The following ARHGAP18 variants were observed in gnomAD, a reference collection of about 807,000 sequenced individuals.
ARHGAP18 encodes the protein Rho GTPase activating protein 18, also known as rho GTPase-activating protein 18.
In ARHGAP18, 67 loss-of-function variants were observed where a neutral mutation model predicts 86.2. The ratio of observed to expected loss-of-function variants is 0.78; its 90% CI spans 0.64 to 0.95. The LOEUF (loss-of-function observed/expected upper bound fraction) is 0.95. ARHGAP18 is among the 40% of genes least tolerant of loss of function. ARHGAP18 has a pLI of 0.00. For missense variants in ARHGAP18, 691 were observed against 780.4 expected (o/e 0.89, Z 1.37); for synonymous variants, 283 against 280.4 (o/e 1.01, Z -0.09).
chr6:129,603,574 T>C lies in ARHGAP18; in HGVS notation c.1365+2303A>G, dbSNP rs112808550. 7.5e-3 allele frequency among the ~76,000 whole-genome samples: 1,142 copies of C among 152,306 alleles called. 13 individuals carry two copies. The highest frequency in any genetic ancestry group is 0.026 in the African/African-American group (1,094 of 41,578). On this transcript the variant is annotated intron_variant, in intron 10 of 14. Coordinates refer to ENST00000368149, the MANE Select transcript of ARHGAP18 (RefSeq NM_033515.3). The stretch of plus-strand genomic sequence containing the variant: ...TTACATACCTCTGCTCTTTAAAGTT[T>C]TCTGATTTGTAAAATGGGAGTACTT...
intron 1 of ARHGAP18, among the ~76,000 whole-genome samples, chr6:129,695,735 G>C (rs1330391012): frequency 6.6e-6 from 1 of 152,094 alleles, no homozygotes; most frequent in African/African-American, 2.4e-5. Flanking sequence ...TATGCATTAA[G>C]TCCCCACAAA....
chr6:129,614,076 T>A (rs375850776), intron 7 of ARHGAP18, among the ~76,000 whole-genome samples: 2 of 152,200 alleles, frequency 1.3e-5, no homozygotes, highest in Non-Finnish European at 2.9e-5. Context: ...ATTTCCCTCA[T>A]CCTTCTGAGA....
intron 5 of ARHGAP18, among the ~76,000 whole-genome samples, chr6:129,624,849 G>T (rs1789307564): frequency 6.7e-6 from 1 of 149,924 alleles, no homozygotes; most frequent in South Asian, 2.1e-4. Flanking sequence ...GGAGGCTGAG[G>T]CAGGAGAATT....
chr6:129,618,960 T>C, intron 5 of ARHGAP18, 108 bp from the exon 6 acceptor site: 1 of 990,198 alleles, frequency 1.0e-6, no homozygotes, highest in Non-Finnish European at 1.5e-6. Context: ...GAATAAGTGA[T>C]AAGAAAAGCC....
At chr6:129,641,728 ATT>A in intron 2 of ARHGAP18, 86 bp downstream of exon 2, 1 of 1,155,142 alleles carries the variant, frequency 8.7e-7, no homozygotes, top group Non-Finnish European at 1.2e-6. Flanking sequence ...CCTAGCTTTA[ATT>A]TTTTTTTTGT....
chr6:129,644,253 C>T (rs1223580723), intron 1 of ARHGAP18, among the ~76,000 whole-genome samples: 3 of 152,182 alleles, frequency 2.0e-5, no homozygotes, highest in African/African-American at 4.8e-5. Flanking sequence ...GTTTACATCT[C>T]TGTATTCCAC....
intron 1 of ARHGAP18, among the ~76,000 whole-genome samples, chr6:129,675,425 C>G (rs1278191383): frequency 6.6e-6 from 1 of 150,998 alleles, no homozygotes; most frequent in Admixed American, 6.6e-5. Flanking sequence ...AATAGGTGGA[C>G]GTTAGTTCAA....
In ARHGAP18 at chr6:129,590,047, T is replaced by C. The variant is rs142293413; in HGVS notation, c.1714-5935A>G. On this transcript the variant is annotated intron_variant, in intron 12 of 14. Transcript: ENST00000368149. ...ACTCAGCAAGTCTGTTCTTTCCACT[T>C]TCTTCTGCCTGCTTTTATTCTAGCC... is the stretch of plus-strand genomic sequence containing the variant. Among the ~76,000 whole-genome samples the C allele has an allele frequency of 2.1e-3, 319 of 152,328 alleles. 1 individual carries two copies. Among genetic ancestry groups the C allele is most frequent in the African/African-American group, 7.6e-3 (314 of 41,582 alleles).
rs553529751 is a variant in ARHGAP18 at position 129,709,566 on chromosome 6, A to G, written c.113+458T>C. Among the ~76,000 whole-genome samples, 5 of 152,010 alleles carry G rather than the reference A, an allele frequency of 3.3e-5. No homozygotes were observed. The South Asian group carries it at 1.0e-3, about 32-fold the overall frequency. The stretch of plus-strand genomic sequence containing the variant: ...TAAGAGGTTTGCTTTCAGCAAAGAG[A>G]GGGGGGAAAAAAAACACTCTAACAA... On this transcript the variant is annotated intron_variant, in intron 1 of 14. Transcript: ENST00000368149.
chr6:129,590,024 T>A (rs35075532), intron 12 of ARHGAP18, among the ~76,000 whole-genome samples: 2,897 of 152,292 alleles, frequency 0.019, 43 homozygotes, highest in Non-Finnish European at 0.032. Flanking sequence ...GCCAGAGGAC[T>A]CAGCAAGTCT....
Position 129,625,291 on chromosome 6 carries a change from TGA to T in ARHGAP18, c.786+4060_786+4061del, listed in dbSNP as rs1562696849. ...GATATATATTTATATGTAATATATA[TGA>T]TATATGATATATATTTATATGTAAT... On this transcript the variant is annotated intron_variant, in intron 5 of 14. Coordinates refer to ENST00000368149, the MANE Select transcript of ARHGAP18 (RefSeq NM_033515.3). 9.0e-4 allele frequency among the ~76,000 whole-genome samples: 73 copies of T among 80,794 alleles called. 3 individuals carry two copies. The highest frequency in any genetic ancestry group is 3.1e-3 in the East Asian group (8 of 2,614). 53.0% of individuals were successfully genotyped at this position (80,794 alleles called of 152,430 possible).
At chr6:129,614,455 A>G (rs891464727) in intron 7 of ARHGAP18, among the ~76,000 whole-genome samples, 2 of 152,202 alleles carry the variant, frequency 1.3e-5, no homozygotes, top group African/African-American at 2.4e-5. Context: ...CCATTATCCA[A>G]TCCTTCAAAT....
chr6:129,674,600 C>A (rs1352338969), intron 1 of ARHGAP18, among the ~76,000 whole-genome samples: 1 of 152,136 alleles, frequency 6.6e-6, no homozygotes, highest in Non-Finnish European at 1.5e-5. Context: ...TGAATCTATG[C>A]AAGTAAAGTG....
At chr6:129,681,937 G>A (rs1188874738) in intron 1 of ARHGAP18, among the ~76,000 whole-genome samples, 1 of 152,140 alleles carries the variant, frequency 6.6e-6, no homozygotes, top group Admixed American at 6.5e-5. Flanking sequence ...CCTCTCTGCT[G>A]TATCTCATCA....
chr6:129,636,549 T>G (rs1314372477), intron 3 of ARHGAP18, among the ~76,000 whole-genome samples: 1 of 152,086 alleles, frequency 6.6e-6, no homozygotes, highest in African/African-American at 2.4e-5. Context: ...GTCAAACAAA[T>G]TTGGGTTTAC....
At position 129,616,333 on chromosome 6, in the gene ARHGAP18, T is replaced by C. The variant is rs760668019; in HGVS notation, c.953-30A>G. 4 of 1,542,214 alleles carry C rather than the reference T, an allele frequency of 2.6e-6. No homozygotes were observed. The South Asian group carries it at 4.6e-5, about 18-fold the overall frequency. ...AAGAAAAAAAATGAAATTTCCTCAC[T>C]TTTGTCAATCTATAAAATATTAATA... On this transcript the variant is annotated intron_variant, in intron 6 of 14. Transcript: ENST00000368149.
chr6:129,633,702 C>T (rs973174382), intron 4 of ARHGAP18, among the ~76,000 whole-genome samples: 2 of 152,150 alleles, frequency 1.3e-5, no homozygotes, highest in African/African-American at 2.4e-5. Context: ...AGCTCTAAGC[C>T]TCAGTTCACT....
intron 12 of ARHGAP18, among the ~76,000 whole-genome samples, chr6:129,589,669 T>C (rs569188906): frequency 4.0e-4 from 61 of 152,258 alleles, no homozygotes; most frequent in African/African-American, 1.5e-3. Flanking sequence ...CATTTTCAGG[T>C]ATCTTTATAG....
chr6:129,597,094 C>T (rs7758025), intron 12 of ARHGAP18, among the ~76,000 whole-genome samples: 25,316 of 151,896 alleles, frequency 0.17, 2,334 homozygotes, highest in African/African-American at 0.24. Context: ...TGTCTATTTA[C>T]TCTCCCTAAT....
Sources: gnomAD v4.1 joint callset for allele counts (sites outside exome capture counted in the v4.1 genomes callset) on GRCh38, gnomAD v4.1.1 for gene constraint, MANE v1.5 for transcripts, NCBI Gene and HGNC (gene_info 2026-07-23, HGNC 2026-07-21) for gene names.